Variants in FGF14 observed in about 807,000 individuals in gnomAD.
FGF14 encodes fibroblast growth factor 14.
In FGF14, 5 loss-of-function variants were observed where a neutral mutation model predicts 25.5. The observed-to-expected ratio is 0.20, with a 90% confidence interval of 0.10 to 0.41. FGF14 has a LOEUF of 0.41. FGF14 is among the 10% of genes least tolerant of loss of function. The pLI is 1.00. For missense variants in FGF14, 222 were observed against 320.1 expected, an observed-to-expected ratio of 0.69 and a Z score of 2.34; for synonymous variants, 138 against 118.3, an observed-to-expected ratio of 1.17 and a Z score of -1.08.
At chr13:101,739,292 A>G (rs1050823058) in intron 3 of FGF14, among the ~76,000 whole-genome samples, 1 of 152,012 alleles carries the variant, frequency 6.6e-6, no homozygotes, top group Admixed American at 6.6e-5. Flanking sequence ...AGATCCTAGT[A>G]TTTAGCCATC....
At chr13:102,266,576 A>G (rs2053003265) in intron 1 of FGF14, among the ~76,000 whole-genome samples, 1 of 152,124 alleles carries the variant, frequency 6.6e-6, no homozygotes, top group South Asian at 2.1e-4. Context: ...CAATAAACAG[A>G]AGCAAATTTA....
At chr13:102,094,718 A>G (rs1026948752) in intron 1 of FGF14, among the ~76,000 whole-genome samples, 9 of 152,278 alleles carry the variant, frequency 5.9e-5, no homozygotes, top group South Asian at 4.1e-4. Flanking sequence ...CAAGAAGAAG[A>G]GCTGGACAAT....
chr13:102,340,463 G>A (rs576347889), intron 1 of FGF14, among the ~76,000 whole-genome samples: 7 of 144,524 alleles, frequency 4.8e-5, no homozygotes, highest in South Asian at 2.2e-4. Flanking sequence ...ACACACACAC[G>A]CCAAAAAAAG....
rs1437150799 is a variant in FGF14, at chr13:101,717,363, G to A, written c.*5468C>T. The A allele has an allele frequency of 6.6e-6, 1 of 151,996 alleles. No individual in the cohort carries two copies. The highest frequency in any genetic ancestry group is 1.5e-5 in the Non-Finnish European group (1 of 67,982). The allele number at this position is 151,996 out of a possible 1,614,324, so 9.4% of individuals were successfully genotyped here. A position where few individuals can be genotyped will look rare whatever the true frequency, so the allele number is the denominator to read the frequency against. On this transcript the variant is annotated 3_prime_UTR_variant, in exon 5 of 5. Coordinates refer to ENST00000376143, the MANE Select transcript of FGF14 (RefSeq NM_004115.4). ...GCAACCATGTTGTAGTTCTATTATTGAGTACGTAAATTGATAGATCTCTTC... is the reference window on the plus strand; with the variant it reads ...GCAACCATGTTGTAGTTCTATTATTAAGTACGTAAATTGATAGATCTCTTC...
intron 1 of FGF14, among the ~76,000 whole-genome samples, chr13:102,016,049 A>C (rs2040325524): frequency 6.6e-6 from 1 of 151,776 alleles, no homozygotes; most frequent in Non-Finnish European, 1.5e-5. Flanking sequence ...CTTCTCAATA[A>C]GAGACAATAA....
intron 1 of FGF14, among the ~76,000 whole-genome samples, chr13:102,239,456 G>A (rs1444752527): frequency 6.6e-6 from 1 of 152,232 alleles, no homozygotes; most frequent in Non-Finnish European, 1.5e-5. Flanking sequence ...GCTCCCAAGA[G>A]ATGCTGATGC....
In FGF14 at chr13:101,868,778, C is replaced by T. The variant is rs1170426557; in HGVS notation, c.355G>A (p.Val119Met). The T allele has an allele frequency of 1.9e-6, 3 of 1,613,678 alleles. No homozygotes were observed. Among genetic ancestry groups the T allele is most frequent in the Non-Finnish European group, 2.5e-6 (3 of 1,179,766 alleles). Residue 119 changes from valine to methionine, a missense_variant, in exon 3 of 5, where the codon GTG (valine) becomes ATG (methionine). Transcript: ENST00000376143. ...ATGGCTATATACAACCCTGTTTTCA[C>T]TCCCTGGATGGCAACAACACGTAGT... is the stretch of plus-strand genomic sequence containing the variant. ...VGLRVVAIQG[V>M]KTGLYIAMNG...
At chr13:101,914,056 T>A (rs1266503308) in intron 1 of FGF14, among the ~76,000 whole-genome samples, 1 of 152,062 alleles carries the variant, frequency 6.6e-6, no homozygotes, top group African/African-American at 2.4e-5. Context: ...TAAAGACATA[T>A]AAAACCATCA....
At chr13:102,297,294 C>A (rs2054767298) in intron 1 of FGF14, among the ~76,000 whole-genome samples, 1 of 152,072 alleles carries the variant, frequency 6.6e-6, no homozygotes, top group Non-Finnish European at 1.5e-5. Context: ...GGAAAGTTTG[C>A]AAAGCTGTCA....
chr13:102,119,122 G>C (rs1018575013), intron 1 of FGF14, among the ~76,000 whole-genome samples: 2 of 152,170 alleles, frequency 1.3e-5, no homozygotes, highest in African/African-American at 4.8e-5. Flanking sequence ...CCTCTAGTGT[G>C]TTGCAATATG....
chr13:102,344,939 G>A (rs921580782), intron 1 of FGF14, among the ~76,000 whole-genome samples: 20 of 152,206 alleles, frequency 1.3e-4, no homozygotes, highest in African/African-American at 4.8e-4. Flanking sequence ...AAACCACGCT[G>A]TTGAAGCAGG....
At chr13:102,147,508 CAT>C (rs1460521665) in intron 1 of FGF14, among the ~76,000 whole-genome samples, 1 of 152,150 alleles carries the variant, frequency 6.6e-6, no homozygotes, top group Non-Finnish European at 1.5e-5. Context: ...GGCAGACAAA[CAT>C]ATTTCATTGT....
intron 1 of FGF14, among the ~76,000 whole-genome samples, chr13:101,943,749 G>A (rs1380562180): frequency 3.3e-5 from 5 of 150,892 alleles, no homozygotes; most frequent in African/African-American, 1.2e-4. Flanking sequence ...CGAGACAGGC[G>A]GATCACCTGA....
At chr13:101,903,754 C>T (rs2031874382) in intron 1 of FGF14, among the ~76,000 whole-genome samples, 1 of 152,022 alleles carries the variant, frequency 6.6e-6, no homozygotes, top group Admixed American at 6.6e-5. Flanking sequence ...CTAAGCCAAC[C>T]CTAAAGAAAG....
chr13:101,764,240 C>T (rs920005732), intron 3 of FGF14, among the ~76,000 whole-genome samples: 2 of 152,210 alleles, frequency 1.3e-5, no homozygotes, highest in African/African-American at 4.8e-5. Flanking sequence ...TTTCCGCTGA[C>T]CCTCTGCCCC....
In FGF14 at chr13:102,099,253, A is replaced by G. The variant is rs117360309; in HGVS notation, c.209-223957T>C. ...ATGGATGGAAAAAGGCAAGCAATGC[A>G]TATTTTACAAGGGCCAAAATTAGTG... On this transcript the variant is annotated intron_variant, in intron 1 of 4. Coordinates refer to the FGF14 transcript ENST00000376131. Among the ~76,000 whole-genome samples the G allele has an allele frequency of 6.0e-3, 907 of 152,358 alleles. 3 individuals carry two copies. The highest frequency in any genetic ancestry group is 0.01 in the Non-Finnish European group (689 of 68,032).
At chr13:102,169,659 G>GT (rs1239626177) in intron 1 of FGF14, among the ~76,000 whole-genome samples, 10 of 152,048 alleles carry the variant, frequency 6.6e-5, no homozygotes, top group East Asian at 1.9e-4. Flanking sequence ...AAGAAGTGGG[G>GT]TTTTTTTTGT....
chr13:102,230,639 T>G (rs548174977), intron 1 of FGF14, among the ~76,000 whole-genome samples: 1 of 152,200 alleles, frequency 6.6e-6, no homozygotes, highest in East Asian at 1.9e-4. Context: ...AAAGGAGGTG[T>G]GTGTGCACTT....
At chr13:102,208,571 G>GCTA (rs1312668395) in intron 1 of FGF14, among the ~76,000 whole-genome samples, 5 of 152,120 alleles carry the variant, frequency 3.3e-5, no homozygotes, top group African/African-American at 1.2e-4. Context: ...TTGGCTCCAT[G>GCTA]CTACTAAGGA....
Sources: allele counts gnomAD v4.1 joint callset (sites outside exome capture counted in the v4.1 genomes callset), GRCh38; gene constraint gnomAD v4.1.1; transcripts MANE v1.5; gene names NCBI Gene and HGNC (gene_info 2026-07-23, HGNC 2026-07-21).